GSDMC: variants seen among roughly 807,000 people sequenced by gnomAD.
The protein encoded by GSDMC is gasdermin C, also known as gasdermin-C.
Under a neutral mutation model 58.0 loss-of-function variants are expected in GSDMC, and 59 were observed. The observed-to-expected ratio is 1.02, with a 90% confidence interval of 0.82 to 1.26. GSDMC has a LOEUF of 1.26. Ranked by LOEUF, GSDMC falls within the 50% of genes most tolerant of loss-of-function variation. The pLI, the probability that GSDMC is intolerant of heterozygous loss-of-function variation, is 0.00. For missense variants in GSDMC, 659 were observed against 598.5 expected (o/e 1.10, Z -1.06); for synonymous variants, 241 against 220.2 (o/e 1.09, Z -0.83).
intron 3 of GSDMC, among the ~76,000 whole-genome samples, chr8:129,774,718 C>G (rs2034168385): frequency 6.6e-6 from 1 of 151,850 alleles, no homozygotes; most frequent in African/African-American, 2.4e-5. Flanking sequence ...GGCTAAATTG[C>G]AAAATCAAAA....
chr8:129,782,534 C>A (rs557853740), intron 1 of GSDMC, among the ~76,000 whole-genome samples: 1 of 152,184 alleles, frequency 6.6e-6, no homozygotes, highest in African/African-American at 2.4e-5. Context: ...AACATTACAA[C>A]TGATATTGCA....
the GSDMC span, among the ~76,000 whole-genome samples, chr8:129,717,250 C>CTTTT: frequency 1.8e-4 from 21 of 114,652 alleles, no homozygotes; most frequent in Non-Finnish European, 3.3e-4. Context: ...TGGTCCTGGG[C>CTTTT]TTTTTTTTTT....
At chr8:129,729,025 G>C in the GSDMC span, 2 of 650,612 alleles carry the variant, frequency 3.1e-6, no homozygotes, top group Non-Finnish European at 5.9e-6. Context: ...GAAAATTTAA[G>C]GAAATGTGCA....
At chr8:129,761,580 TTGA>T (rs1013170536) in intron 5 of GSDMC, among the ~76,000 whole-genome samples, 4 of 152,216 alleles carry the variant, frequency 2.6e-5, no homozygotes, top group Non-Finnish European at 4.4e-5. Flanking sequence ...CTGTTTGTTG[TTGA>T]TGATGATGAT....
At chr8:129,736,474 C>T in the GSDMC span, among the ~76,000 whole-genome samples, 1 of 152,208 alleles carries the variant, frequency 6.6e-6, no homozygotes, top group African/African-American at 2.4e-5. Flanking sequence ...GGATGCAAGG[C>T]TGGTTCAACA....
At chr8:129,720,682 A>G in the GSDMC span, among the ~76,000 whole-genome samples, 1 of 152,250 alleles carries the variant, frequency 6.6e-6, no homozygotes, top group Admixed American at 6.5e-5. Context: ...GCTTATACTT[A>G]CATGTTAATT....
Position 129,776,236 on chromosome 8 carries a change from C to T in GSDMC, c.270G>A (p.Lys90=), listed in dbSNP as rs1196074761. 1 of 1,613,800 alleles carries T rather than the reference C, an allele frequency of 6.2e-7. No homozygotes were observed. The change falls in exon 3 of 14, where the codon AAG becomes AAA. Residue 90 remains lysine (K), a synonymous_variant. Coordinates refer to ENST00000276708, the MANE Select transcript of GSDMC (RefSeq NM_031415.3). ...PFHFSDIMIQ[K]HKADMGVNVG... ...CATTCACACCCATGTCAGCCTTATG[C>T]TTCTGGATCATAATGTCACTGAAGT...
At chr8:129,728,830 G>A in the GSDMC span, 19 of 587,408 alleles carry the variant, frequency 3.2e-5, no homozygotes, top group South Asian at 2.9e-4. Context: ...ACCCTGAGCT[G>A]AGGTAGCCCG....
intron 5 of GSDMC, among the ~76,000 whole-genome samples, chr8:129,761,599 G>T (rs1313188440): frequency 6.6e-6 from 1 of 152,110 alleles, no homozygotes; most frequent in Non-Finnish European, 1.5e-5. Flanking sequence ...ATGATATTTT[G>T]AAACTAGAGC....
chr8:129,711,037 T>C, the GSDMC span, among the ~76,000 whole-genome samples: 1 of 152,214 alleles, frequency 6.6e-6, no homozygotes, highest in Non-Finnish European at 1.5e-5. Context: ...CTAGGACGGA[T>C]GCCTTTGCTG....
chr8:129,764,375 C>T (rs2033783872), intron 4 of GSDMC, among the ~76,000 whole-genome samples: 2 of 152,092 alleles, frequency 1.3e-5, no homozygotes, highest in South Asian at 4.2e-4. Flanking sequence ...AATAATTCTT[C>T]AATCTCCCGC....
chr8:129,740,891 C>T, the GSDMC span, among the ~76,000 whole-genome samples: 68 of 152,260 alleles, frequency 4.5e-4, no homozygotes, highest in East Asian at 2.1e-3. Context: ...CCCGTGCTTT[C>T]GGAGTTCTAC....
intron 3 of GSDMC, 91 bp from the exon 4 acceptor site, chr8:129,765,884 AG>A (rs1195426600): frequency 1.2e-5 from 13 of 1,057,414 alleles, no homozygotes; most frequent in Non-Finnish European, 1.7e-5. Flanking sequence ...AAGACCTGGG[AG>A]GGGTGCAATG....
intron 4 of GSDMC, 58 bp from the exon 5 acceptor site, chr8:129,762,789 G>T (rs2033717992): frequency 1.7e-6 from 2 of 1,193,088 alleles, no homozygotes; most frequent in East Asian, 2.3e-5. Context: ...AAGGTCAGAT[G>T]GCTCTAGAAA....
At chr8:129,719,357 A>C in the GSDMC span, among the ~76,000 whole-genome samples, 2 of 152,330 alleles carry the variant, frequency 1.3e-5, no homozygotes, top group East Asian at 3.9e-4. Flanking sequence ...CTAATAATAG[A>C]ATTTCAAAAT....
downstream of GSDMC, among the ~76,000 whole-genome samples, chr8:129,745,074 T>A (rs1182996136): frequency 1.3e-5 from 2 of 152,160 alleles, no homozygotes; most frequent in Non-Finnish European, 2.9e-5. Context: ...CCCTCTTAAA[T>A]CAATTCCAAT....
chr8:129,735,383 C>T, the GSDMC span, among the ~76,000 whole-genome samples: 1 of 152,168 alleles, frequency 6.6e-6, no homozygotes, highest in Non-Finnish European at 1.5e-5. Context: ...GCACTTATTC[C>T]AAAATTGACC....
At position 129,750,551 on chromosome 8, in the gene GSDMC, C is replaced by A. The variant is rs751281101; in HGVS notation, c.963G>T (p.Glu321Asp). ...PFWQNFKHLQEEVFQKIKTLA... is the reference protein window; with the variant it reads ...PFWQNFKHLQDEVFQKIKTLA... ...GTGTCTTTATTTTCTGGAAAACCTCCTCTTGTAGATGCTTGAAATCTGCTC... is the reference window on the plus strand; with the variant it reads ...GTGTCTTTATTTTCTGGAAAACCTCATCTTGTAGATGCTTGAAATCTGCTC... The change falls in exon 11 of 14, where the codon GAG (glutamate) becomes GAT (aspartate). Residue 321 changes from glutamate (E) to aspartate (D), a missense_variant. Transcript: ENST00000276708. The A allele has an allele frequency of 6.2e-7, 1 of 1,614,060 alleles. No homozygotes were observed. The highest frequency in any genetic ancestry group is 1.1e-5 in the South Asian group (1 of 91,072).
chr8:129,751,619 C>T, intron 9 of GSDMC, 51 bp from the exon 10 acceptor site: 1 of 1,578,094 alleles, frequency 6.3e-7, no homozygotes, highest in Non-Finnish European at 8.7e-7. Flanking sequence ...CCCAAATTTG[C>T]TTTTCAGATG....
Sources: gnomAD v4.1 joint callset for allele counts (sites outside exome capture counted in the v4.1 genomes callset) on GRCh38, gnomAD v4.1.1 for gene constraint, MANE v1.5 for transcripts, NCBI Gene and HGNC (gene_info 2026-07-23, HGNC 2026-07-21) for gene names.